The following SLC16A10 variants were observed in gnomAD, a reference collection of about 807,000 sequenced individuals.
SLC16A10 encodes monocarboxylate transporter 10.
In SLC16A10, 27 loss-of-function variants were observed where a neutral mutation model predicts 40.0. The ratio of observed to expected loss-of-function variants is 0.67; its 90% CI spans 0.50 to 0.93. The LOEUF is 0.93. SLC16A10 is among the 40% of genes least tolerant of loss of function. The pLI is 0.00. For synonymous variants in SLC16A10, 213 were observed against 249.8 expected (o/e 0.85, Z 1.39); for missense variants, 529 against 658.2 (o/e 0.80, Z 2.15).
chr6:111,190,858 A>G (rs1583353534), intron 3 of SLC16A10, among the ~76,000 whole-genome samples: 1 of 152,216 alleles, frequency 6.6e-6, no homozygotes, highest in Non-Finnish European at 1.5e-5. Context: ...CTCCAGGCCT[A>G]TGATGGGAAG....
Position 111,177,516 on chromosome 6 carries a change from G to T in SLC16A10, c.793G>T (p.Gly265Cys), listed in dbSNP as rs1772708910. The T allele has an allele frequency of 1.2e-6, 2 of 1,613,966 alleles. No homozygotes were observed. The highest frequency in any genetic ancestry group is 1.7e-6 in the Non-Finnish European group (2 of 1,179,962). Residue 265 changes from glycine to cysteine, a missense_variant, in exon 3 of 6, where the codon GGT becomes TGT. Physicochemically the swap from Gly to Cys is radical, Grantham distance 159. Transcript: ENST00000368851. ...ATSTKDKESG[G>C]SGSSLFSRKK... ...CAGTACCAAAGATAAAGAGAGTGGA[G>T]GTAGCGGATCCTCCCTCTTTTCCAG...
intron 3 of SLC16A10, among the ~76,000 whole-genome samples, chr6:111,185,931 ACT>A (rs1440458260): frequency 6.7e-6 from 1 of 149,704 alleles, no homozygotes; most frequent in East Asian, 2.0e-4. Context: ...ACAGGGTCTC[ACT>A]CTCTTGTCCA....
intron 1 of SLC16A10, among the ~76,000 whole-genome samples, chr6:111,136,370 C>T (rs896715104): frequency 3.3e-5 from 5 of 152,182 alleles, no homozygotes; most frequent in South Asian, 2.1e-4. Flanking sequence ...TCATTGTTTA[C>T]GGGTAGTGGC....
chr6:111,177,071 A>T (rs1447521196), intron 2 of SLC16A10, 141 bp from the exon 3 acceptor site: 24 of 412,116 alleles, frequency 5.8e-5, no homozygotes, highest in Non-Finnish European at 7.2e-5. Flanking sequence ...ATTTTGGTTA[A>T]TTTTTTTTTT....
chr6:111,199,321 T>A (rs1773129365), intron 3 of SLC16A10, among the ~76,000 whole-genome samples: 1 of 152,040 alleles, frequency 6.6e-6, no homozygotes, highest in Admixed American at 6.6e-5. Flanking sequence ...TAGCTGGGCA[T>A]GGTGGTGGAC....
chr6:111,167,965 G>A (rs1470451533), intron 1 of SLC16A10, among the ~76,000 whole-genome samples: 1 of 149,846 alleles, frequency 6.7e-6, no homozygotes, highest in Non-Finnish European at 1.5e-5. Flanking sequence ...ATGAGCCACT[G>A]TTCCTGGTCT....
intron 1 of SLC16A10, among the ~76,000 whole-genome samples, chr6:111,126,873 G>A (rs971040967): frequency 7.2e-5 from 11 of 152,138 alleles, no homozygotes; most frequent in African/African-American, 2.4e-4. Context: ...ATCTCTCAAA[G>A]CCCTGGTTTT....
intron 3 of SLC16A10, among the ~76,000 whole-genome samples, chr6:111,200,010 T>C (rs1773143398): frequency 6.6e-6 from 1 of 152,142 alleles, no homozygotes; most frequent in Non-Finnish European, 1.5e-5. Context: ...TCCTTTTTCA[T>C]GTCTTAACAG....
intron 1 of SLC16A10, among the ~76,000 whole-genome samples, chr6:111,114,061 AG>A (rs1350137908): frequency 3.3e-5 from 5 of 152,332 alleles, no homozygotes; most frequent in African/African-American, 1.2e-4. Context: ...TCAAACAAGC[AG>A]GGAATTTTTT....
In SLC16A10 at chr6:111,113,538, C is replaced by G. The variant is rs548428831; in HGVS notation, c.343+25443C>G. On this transcript the variant is annotated intron_variant, in intron 1 of 5. Transcript: ENST00000368851. ...AAAACTGGGGTTTCATTTGAGGAACCAGTAATAGAAAATTTCTTATGTACA... is the reference window on the plus strand; with the variant it reads ...AAAACTGGGGTTTCATTTGAGGAACGAGTAATAGAAAATTTCTTATGTACA... Among the ~76,000 whole-genome samples, 483 of 152,192 alleles carry G rather than the reference C, an allele frequency of 3.2e-3. 1 individual carries two copies. Among genetic ancestry groups the G allele is most frequent in the African/African-American group, 0.011 (461 of 41,516 alleles).
Position 111,149,482 on chromosome 6 carries a change from T to C in SLC16A10, c.344-23213T>C, listed in dbSNP as rs188675449. The stretch of plus-strand genomic sequence containing the variant: ...ATGATTTTTAAAAGCAGGACCTGGG[T>C]CATATGCCCAGATTAATTTCAACAA... On this transcript the variant is annotated intron_variant, in intron 1 of 5. Transcript: ENST00000368851. Among the ~76,000 whole-genome samples, 389 of 152,354 alleles carry C rather than the reference T, an allele frequency of 2.6e-3. 2 individuals are homozygous for C. The highest frequency in any genetic ancestry group is 8.9e-3 in the African/African-American group (368 of 41,576).
intron 1 of SLC16A10, among the ~76,000 whole-genome samples, chr6:111,164,608 T>TA (rs925342551): frequency 1.3e-5 from 2 of 151,362 alleles, no homozygotes; most frequent in Non-Finnish European, 2.9e-5. Context: ...AAAAAAAAAA[T>TA]AAAAAAATTA....
chr6:111,099,825 G>A (rs893966066), intron 1 of SLC16A10, among the ~76,000 whole-genome samples: 3 of 151,778 alleles, frequency 2.0e-5, no homozygotes, highest in Non-Finnish European at 4.4e-5. Context: ...AAGTTCTAGA[G>A]CAGCCTGGGC....
At chr6:111,219,730 T>C (rs1484196892) in intron 5 of SLC16A10, among the ~76,000 whole-genome samples, 1 of 152,100 alleles carries the variant, frequency 6.6e-6, no homozygotes, top group Non-Finnish European at 1.5e-5. Flanking sequence ...ACAGAACTGA[T>C]GCTACCAGGT....
Position 111,225,660 on chromosome 6 carries a change from G to A in SLC16A10, c.*3425G>A, listed in dbSNP as rs544439525. 13 of 151,720 alleles carry A rather than the reference G, an allele frequency of 8.6e-5. No homozygotes were observed. The highest frequency in any genetic ancestry group is 3.1e-4 in the African/African-American group (13 of 41,376). The allele number at this position is 151,720 out of a possible 1,614,324, so 9.4% of individuals were successfully genotyped here. ...TAAGAATATTTTAATTTATACGAATGTTACTTGAAATTGGCCTATGTCCAG... is the reference window on the plus strand; with the variant it reads ...TAAGAATATTTTAATTTATACGAATATTACTTGAAATTGGCCTATGTCCAG... On this transcript the variant is annotated 3_prime_UTR_variant, in exon 6 of 6. Coordinates refer to ENST00000368851, the MANE Select transcript of SLC16A10 (RefSeq NM_018593.5).
rs139929907 is a variant in SLC16A10 at position 111,098,034 on chromosome 6, C to T, written c.343+9939C>T. 4.6e-5 allele frequency among the ~76,000 whole-genome samples: 7 copies of T among 152,058 alleles called. No individual in the cohort carries two copies. In the East Asian group the frequency reaches 7.7e-4, roughly 17 times the overall value. On this transcript the variant is annotated intron_variant, in intron 1 of 5. Transcript: ENST00000368851. Reference sequence around the variant, plus strand: ...TGAAAACCTGATGGAGGCCGGGTGCCGTGGCTCATGCCTGTAAATCTTAGC... The same window carrying T: ...TGAAAACCTGATGGAGGCCGGGTGCTGTGGCTCATGCCTGTAAATCTTAGC...
At chr6:111,143,403 G>A (rs530854635) in intron 1 of SLC16A10, among the ~76,000 whole-genome samples, 38 of 152,130 alleles carry the variant, frequency 2.5e-4, no homozygotes, top group Middle Eastern at 3.4e-3. Context: ...TTCTTCTAGA[G>A]ACAAGGCCTT....
intron 1 of SLC16A10, among the ~76,000 whole-genome samples, chr6:111,159,109 A>G (rs1772326400): frequency 6.7e-6 from 1 of 149,866 alleles, no homozygotes; most frequent in Non-Finnish European, 1.5e-5. Context: ...TGTAAACATT[A>G]CAGGCCCAGC....
chr6:111,095,596 T>C (rs1384678652), intron 1 of SLC16A10, among the ~76,000 whole-genome samples: 2 of 152,226 alleles, frequency 1.3e-5, no homozygotes, highest in African/African-American at 4.8e-5. Flanking sequence ...AAATCTCATC[T>C]TGAATTGTAG....
Sources: allele counts gnomAD v4.1 joint callset (sites outside exome capture counted in the v4.1 genomes callset), GRCh38; gene constraint gnomAD v4.1.1; transcripts MANE v1.5; gene names NCBI Gene and HGNC (gene_info 2026-07-23, HGNC 2026-07-21).